Variants in PPP2R2B observed in about 807,000 individuals in gnomAD.
The protein encoded by PPP2R2B is protein phosphatase 2 regulatory subunit Bbeta.
A neutral mutation model predicts 46.0 loss-of-function variants in PPP2R2B; 5 were observed. The ratio of observed to expected loss-of-function variants is 0.11; its 90% CI spans 0.06 to 0.23. The LOEUF is 0.23. Among genes scored for constraint, PPP2R2B ranks in the 10% least tolerant of loss-of-function variants. The pLI, the probability that PPP2R2B is intolerant of heterozygous loss-of-function variation, is 1.00. For synonymous variants in PPP2R2B, 215 were observed against 206.7 expected (o/e 1.04, Z -0.34); for missense variants, 367 against 575.0 (o/e 0.64, Z 3.70).
intron 2 of PPP2R2B, among the ~76,000 whole-genome samples, chr5:146,873,595 A>G (rs1430321247): frequency 6.6e-6 from 1 of 152,112 alleles, no homozygotes; most frequent in Non-Finnish European, 1.5e-5. Flanking sequence ...TTATCCATAG[A>G]CCCACCACCT....
intron 1 of PPP2R2B, among the ~76,000 whole-genome samples, chr5:147,003,391 C>T (rs1051203553): frequency 2.0e-5 from 3 of 152,096 alleles, no homozygotes; most frequent in Non-Finnish European, 4.4e-5. Flanking sequence ...TGTCCCTTCT[C>T]TCTCTTTAAT....
At chr5:146,763,196 C>T (rs184367243) in intron 2 of PPP2R2B, among the ~76,000 whole-genome samples, 10 of 152,182 alleles carry the variant, frequency 6.6e-5, no homozygotes, top group East Asian at 1.9e-4. Context: ...TTTTGCTCCA[C>T]GACCTGCTCA....
chr5:146,973,811 C>T (rs1278206304), intron 1 of PPP2R2B, among the ~76,000 whole-genome samples: 3 of 152,156 alleles, frequency 2.0e-5, no homozygotes, highest in Non-Finnish European at 4.4e-5. Context: ...TTTCCATGTT[C>T]TTGGAGAGGA....
chr5:146,827,032 T>G (rs969177237), intron 2 of PPP2R2B, among the ~76,000 whole-genome samples: 2 of 152,230 alleles, frequency 1.3e-5, no homozygotes, highest in Non-Finnish European at 2.9e-5. Context: ...TTATTGAAAC[T>G]GCTTAAGTTT....
chr5:146,624,426 A>T (rs116390193), intron 7 of PPP2R2B, among the ~76,000 whole-genome samples: 9,305 of 151,698 alleles, frequency 0.061, 302 homozygotes, highest in Non-Finnish European at 0.078. Flanking sequence ...TCTTTTTTTT[A>T]AAAAAACAGT....
In PPP2R2B at chr5:146,583,285, T is replaced by G. The variant is rs148680723; in HGVS notation, c.*6662A>C. 6.6e-6 allele frequency: 1 copy of G among 152,262 alleles called. No individual in the cohort carries two copies. Among genetic ancestry groups the G allele is most frequent in the Non-Finnish European group, 1.5e-5 (1 of 68,032 alleles). 9.4% of individuals were successfully genotyped at this position (152,262 alleles called of 1,614,324 possible). On this transcript the variant is annotated 3_prime_UTR_variant, in exon 10 of 10. Coordinates refer to ENST00000394411, the MANE Select transcript of PPP2R2B (RefSeq NM_181675.4). Reference sequence around the variant, plus strand: ...ACACATCCATCATAGTGCATATGTTTTATAGGATTAGCAGAACTGTAGCAA... The same window carrying G: ...ACACATCCATCATAGTGCATATGTTGTATAGGATTAGCAGAACTGTAGCAA...
chr5:146,696,491 C>T (rs1779191500), intron 4 of PPP2R2B, among the ~76,000 whole-genome samples: 1 of 152,142 alleles, frequency 6.6e-6, no homozygotes, highest in Non-Finnish European at 1.5e-5. Flanking sequence ...AGACATTTTT[C>T]CTCTGCCTAA....
chr5:146,781,328 A>C (rs753985164), intron 2 of PPP2R2B, among the ~76,000 whole-genome samples: 2 of 151,052 alleles, frequency 1.3e-5, no homozygotes, highest in Non-Finnish European at 3.0e-5. Flanking sequence ...CCTCTCTCAT[A>C]ATTCTCAGCT....
rs1298523303 is a variant in PPP2R2B at position 146,968,422 on chromosome 5, TG to T, written c.79+87242del. ...GAACATCAAAGTGGGTTAGATACAG[TG>T]GGGTGCTGGTAAGTGATGGCCAACT... On this transcript the variant is annotated intron_variant, in intron 1 of 8. Transcript: ENST00000336640. Among the ~76,000 whole-genome samples the T allele has an allele frequency of 2.0e-5, 3 of 152,140 alleles. No individual in the cohort carries two copies. In the East Asian group the frequency reaches 5.8e-4, roughly 29 times the overall value.
chr5:146,813,487 G>A (rs1757751421), intron 2 of PPP2R2B, among the ~76,000 whole-genome samples: 1 of 152,166 alleles, frequency 6.6e-6, no homozygotes, highest in Admixed American at 6.5e-5. Context: ...GCAACGCTTA[G>A]AGGTATGAAT....
chr5:146,591,952 C>T, intron 9 of PPP2R2B: 1 of 265,942 alleles, frequency 3.8e-6, no homozygotes, highest in Non-Finnish European at 7.1e-6. Context: ...ATAGTAGGTG[C>T]CTAATAAGTG....
At chr5:146,634,143 G>A (rs1361392871) in intron 7 of PPP2R2B, among the ~76,000 whole-genome samples, 2 of 152,166 alleles carry the variant, frequency 1.3e-5, no homozygotes, top group Admixed American at 1.3e-4. Context: ...AAAAGAGATT[G>A]TACTGCCTAT....
chr5:146,767,857 C>T lies in PPP2R2B; in HGVS notation c.71-66715G>A, dbSNP rs142314071. ...ACTATAGAATCATATACAGTAGTTC[C>T]ACCACCCTAAAAATGATCTGTGCCT... On this transcript the variant is annotated intron_variant, in intron 2 of 9. Coordinates refer to ENST00000394411, the MANE Select transcript of PPP2R2B (RefSeq NM_181675.4). Among the ~76,000 whole-genome samples, 635 of 152,246 alleles carry T rather than the reference C, an allele frequency of 4.2e-3. 1 individual carries two copies. The highest frequency in any genetic ancestry group is 6.7e-3 in the Non-Finnish European group (459 of 68,022).
intron 1 of PPP2R2B, among the ~76,000 whole-genome samples, chr5:147,031,451 G>A (rs1755779385): frequency 6.8e-6 from 1 of 147,386 alleles, no homozygotes; most frequent in Non-Finnish European, 1.5e-5. Context: ...CTTTTTAGCA[G>A]TTCTACTATG....
At chr5:146,810,671 T>C (rs937616226) in intron 2 of PPP2R2B, among the ~76,000 whole-genome samples, 5 of 152,158 alleles carry the variant, frequency 3.3e-5, no homozygotes, top group African/African-American at 1.2e-4. Flanking sequence ...CTGTGTTTTC[T>C]CATTCACTGA....
intron 7 of PPP2R2B, among the ~76,000 whole-genome samples, chr5:146,628,866 T>G (rs1283028155): frequency 6.6e-6 from 1 of 152,198 alleles, no homozygotes; most frequent in Non-Finnish European, 1.5e-5. Context: ...TTGACATAAT[T>G]GATCCTAATG....
intron 5 of PPP2R2B, among the ~76,000 whole-genome samples, chr5:146,676,066 G>A (rs1777689787): frequency 1.3e-5 from 2 of 152,012 alleles, no homozygotes. Flanking sequence ...ACCCGGTGGA[G>A]GCCATGCCCT....
At position 146,733,231 on chromosome 5, in the gene PPP2R2B, G is replaced by T. The variant is rs1020905775; in HGVS notation, c.71-32089C>A. Among the ~76,000 whole-genome samples, 4 of 152,124 alleles carry T rather than the reference G, an allele frequency of 2.6e-5. No individual in the cohort carries two copies. The East Asian group carries it at 7.7e-4, about 29-fold the overall frequency. On this transcript the variant is annotated intron_variant, in intron 2 of 9. Transcript: ENST00000394411. ...CAGTGCAAGTTATGTGGGAACATGG[G>T]ATAAAACTTCCAGTATTTCCAAAGT... is the stretch of plus-strand genomic sequence containing the variant.
At chr5:146,830,704 T>C (rs1758874437) in intron 2 of PPP2R2B, among the ~76,000 whole-genome samples, 1 of 152,124 alleles carries the variant, frequency 6.6e-6, no homozygotes, top group African/African-American at 2.4e-5. Context: ...GCTCCTGACC[T>C]CAAGTGATCC....
Sources: gnomAD v4.1 joint callset for allele counts (sites outside exome capture counted in the v4.1 genomes callset) on GRCh38, gnomAD v4.1.1 for gene constraint, MANE v1.5 for transcripts, NCBI Gene and HGNC (gene_info 2026-07-23, HGNC 2026-07-21) for gene names.